Variants in SPIDR observed in about 807,000 individuals in gnomAD.
SPIDR encodes the protein scaffold protein involved in DNA repair, also known as DNA repair-scaffolding protein.
SPIDR carries 93 observed loss-of-function variants against 104.6 expected under a neutral mutation model. The observed-to-expected ratio is 0.89, with a 90% confidence interval of 0.75 to 1.06. The LOEUF (loss-of-function observed/expected upper bound fraction) is 1.06. Among genes scored for constraint, SPIDR ranks in the 50% least tolerant of loss-of-function variants. SPIDR has a pLI of 0.00. For missense variants in SPIDR, 1,154 were observed against 1,111.2 expected (o/e 1.04, Z -0.55); for synonymous variants, 431 against 416.9 (o/e 1.03, Z -0.41).
intron 8 of SPIDR, among the ~76,000 whole-genome samples, chr8:47,538,048 G>A (rs952688486): frequency 2.6e-5 from 4 of 152,070 alleles, no homozygotes; most frequent in Admixed American, 6.6e-5. Flanking sequence ...GGTGACTCGC[G>A]CATATAATCT....
rs763874168 is a variant in SPIDR, at chr8:47,735,547, G to T, written c.*97G>T. ...GTTATTTGTTAACTATGGACACAGT[G>T]AACGTAGTTTACGATCTTGAAATGA... On this transcript the variant is annotated 3_prime_UTR_variant, in exon 20 of 20. Coordinates refer to ENST00000297423, the MANE Select transcript of SPIDR (RefSeq NM_001080394.4). The T allele has an allele frequency of 2.5e-6, 4 of 1,583,426 alleles. No individual in the cohort carries two copies. Among genetic ancestry groups the T allele is most frequent in the South Asian group, 1.1e-5 (1 of 88,720 alleles).
chr8:47,659,271 A>G (rs1206431413), intron 10 of SPIDR, among the ~76,000 whole-genome samples: 3 of 152,174 alleles, frequency 2.0e-5, no homozygotes, highest in Non-Finnish European at 4.4e-5. Flanking sequence ...AAGGGGAAAA[A>G]GGCTGAGGTT....
chr8:47,356,826 T>C (rs1335597862), intron 5 of SPIDR, among the ~76,000 whole-genome samples: 4 of 152,182 alleles, frequency 2.6e-5, no homozygotes, highest in African/African-American at 9.7e-5. Context: ...ACTTTGGTTT[T>C]TAAAATGCGT....
intron 5 of SPIDR, among the ~76,000 whole-genome samples, chr8:47,296,759 A>C (rs2040915971): frequency 6.6e-6 from 1 of 151,982 alleles, no homozygotes; most frequent in South Asian, 2.1e-4. Context: ...GAGTTTTAGG[A>C]TTGTTTTATT....
intron 8 of SPIDR, among the ~76,000 whole-genome samples, chr8:47,573,766 C>T (rs1033121332): frequency 1.3e-5 from 2 of 152,160 alleles, no homozygotes; most frequent in Admixed American, 6.5e-5. Flanking sequence ...TAGTGTTTCT[C>T]GTAGGCAGGT....
At chr8:47,472,522 G>C (rs533631132) in intron 8 of SPIDR, among the ~76,000 whole-genome samples, 4 of 152,174 alleles carry the variant, frequency 2.6e-5, no homozygotes, top group Admixed American at 1.3e-4. Context: ...GGTGTTCAAG[G>C]GTCAAGTAAA....
chr8:47,628,928 C>T (rs532472529), intron 10 of SPIDR, among the ~76,000 whole-genome samples: 1 of 152,322 alleles, frequency 6.6e-6, no homozygotes, highest in South Asian at 2.1e-4. Flanking sequence ...GGATCAGTCT[C>T]ATTGAAAATG....
intron 10 of SPIDR, chr8:47,660,504 G>A: frequency 2.0e-6 from 2 of 985,422 alleles, no homozygotes; most frequent in Non-Finnish European, 2.4e-6. Flanking sequence ...GGCAGCTGAT[G>A]GCTGAAACAG....
intron 5 of SPIDR, among the ~76,000 whole-genome samples, chr8:47,323,060 C>T (rs1159259957): frequency 2.0e-5 from 3 of 149,446 alleles, no homozygotes; most frequent in Non-Finnish European, 3.0e-5. Flanking sequence ...GCACATTGTG[C>T]GCATGTACCC....
chr8:47,408,232 A>G (rs1231923185), intron 7 of SPIDR, among the ~76,000 whole-genome samples: 3 of 152,132 alleles, frequency 2.0e-5, no homozygotes, highest in African/African-American at 7.2e-5. Context: ...TATTCTTATC[A>G]TTAAGAGCAC....
At chr8:47,539,549 A>G (rs1005016082) in intron 8 of SPIDR, among the ~76,000 whole-genome samples, 2 of 152,086 alleles carry the variant, frequency 1.3e-5, no homozygotes, top group African/African-American at 4.8e-5. Context: ...ACACTTTTTC[A>G]AGCATTTCAT....
intron 8 of SPIDR, among the ~76,000 whole-genome samples, chr8:47,471,327 A>C (rs1365720408): frequency 9.2e-5 from 4 of 43,406 alleles, no homozygotes; most frequent in Non-Finnish European, 4.0e-4. Context: ...TTCAATGTCA[A>C]AAAAAAAAAA....
intron 5 of SPIDR, among the ~76,000 whole-genome samples, chr8:47,386,930 TATAGATATAG>T (rs2060011993): frequency 6.7e-6 from 1 of 148,818 alleles, no homozygotes; most frequent in South Asian, 2.1e-4. Context: ...TAGATATAGA[TATAGATATAG>T]ATATAGATAT....
chr8:47,673,857 T>G lies in SPIDR; in HGVS notation c.1601T>G (p.Phe534Cys). Residue 534 changes from phenylalanine to cysteine, a missense_variant, in exon 11 of 20, where the codon TTC (phenylalanine) becomes TGC (cysteine). By Grantham distance (205) the Phe-to-Cys change is radical (BLOSUM62 -2). Transcript: ENST00000297423. The part of the protein sequence containing the change: ...CGMFGEVHLE[F>C]TMSKARQLEG... Reference sequence around the variant, plus strand: ...ATGTTCGGTGAAGTGCACTTGGAGTTCACCATGTCGAAGGCAAGACAGTTG... The same window carrying G: ...ATGTTCGGTGAAGTGCACTTGGAGTGCACCATGTCGAAGGCAAGACAGTTG... 6.2e-7 allele frequency: 1 copy of G among 1,614,176 alleles called. No homozygotes were observed. Among genetic ancestry groups the G allele is most frequent in the African/African-American group, 1.3e-5 (1 of 75,042 alleles).
intron 10 of SPIDR, among the ~76,000 whole-genome samples, chr8:47,611,899 AAGG>A (rs2063659701): frequency 6.6e-6 from 1 of 152,190 alleles, no homozygotes; most frequent in South Asian, 2.1e-4. Flanking sequence ...TTAAACAAAA[AAGG>A]AGAACTGAGC....
chr8:47,515,397 T>C (rs1450375546), intron 8 of SPIDR, among the ~76,000 whole-genome samples: 1 of 152,188 alleles, frequency 6.6e-6, no homozygotes, highest in Non-Finnish European at 1.5e-5. Flanking sequence ...TAATTCTGTC[T>C]TGAGAATCAA....
intron 5 of SPIDR, among the ~76,000 whole-genome samples, chr8:47,303,244 C>A (rs1281942207): frequency 6.6e-6 from 1 of 152,212 alleles, no homozygotes; most frequent in Non-Finnish European, 1.5e-5. Flanking sequence ...CTCTCCGAAC[C>A]AGTTGTGGGA....
chr8:47,488,642 G>C (rs1489377667), intron 8 of SPIDR, among the ~76,000 whole-genome samples: 6 of 152,184 alleles, frequency 3.9e-5, no homozygotes, highest in Non-Finnish European at 8.8e-5. Flanking sequence ...CCATCAAAAA[G>C]CTTATCCACC....
chr8:47,477,489 C>T (rs1371522517), intron 8 of SPIDR, among the ~76,000 whole-genome samples: 1 of 152,234 alleles, frequency 6.6e-6, no homozygotes, highest in Non-Finnish European at 1.5e-5. Flanking sequence ...AGCCACTGTA[C>T]CTGGCCAATG....
Sources: allele counts gnomAD v4.1 joint callset (sites outside exome capture counted in the v4.1 genomes callset), GRCh38; gene constraint gnomAD v4.1.1; transcripts MANE v1.5; gene names NCBI Gene and HGNC (gene_info 2026-07-23, HGNC 2026-07-21).